Variants in COL5A2 observed in about 807,000 individuals in gnomAD.
The protein encoded by COL5A2 is collagen alpha-2(V) chain.
COL5A2 carries 23 observed loss-of-function variants against 208.2 expected under a neutral mutation model. That is an observed-to-expected ratio of 0.11 (90% confidence interval 0.08 to 0.16). The LOEUF (loss-of-function observed/expected upper bound fraction) is 0.16. Ranked by LOEUF, COL5A2 falls within the 10% of genes least tolerant of loss-of-function variation. The pLI, the probability that COL5A2 is intolerant of heterozygous loss-of-function variation, is 1.00. For missense variants in COL5A2, 1,590 were observed against 1,956.4 expected, an observed-to-expected ratio of 0.81 and a Z score of 3.53; for synonymous variants, 625 against 628.5, an observed-to-expected ratio of 0.99 and a Z score of 0.08.
the COL5A2 span, among the ~76,000 whole-genome samples, chr2:189,436,316 A>G: frequency 1.3e-5 from 2 of 152,208 alleles, no homozygotes; most frequent in East Asian, 3.8e-4. Context: ...GCTTCTGCAC[A>G]GCAAAAGAAA....
the COL5A2 span, among the ~76,000 whole-genome samples, chr2:189,426,985 A>G: frequency 2.6e-5 from 4 of 152,244 alleles, no homozygotes; most frequent in Non-Finnish European, 4.4e-5. Context: ...CAGGGGAGGA[A>G]TTGAAGCAGC....
At chr2:189,320,844 A>T in the COL5A2 span, among the ~76,000 whole-genome samples, 1 of 152,232 alleles carries the variant, frequency 6.6e-6, no homozygotes. Flanking sequence ...CGAGAAGAGC[A>T]ACTCCAAGAC....
At position 189,039,490 on chromosome 2, in the gene COL5A2, A is replaced by T. The variant is rs954310145; in HGVS notation, c.3707T>A (p.Ile1236Asn). ...PGHLTAALGD[I>N]MGHYDESMPD... ...CATGCTTTCATCATAGTGCCCCATG[A>T]TATCCCCAAGAGCAGCTGTAAGGTG... The change falls in exon 51 of 54, where the codon ATC becomes AAC. Residue 1236 changes from isoleucine to asparagine, a missense_variant. Ile to Asn is a moderately radical substitution (Grantham distance 149). Coordinates refer to ENST00000374866, the MANE Select transcript of COL5A2 (RefSeq NM_000393.5). 2 of 1,614,078 alleles carry T rather than the reference A, an allele frequency of 1.2e-6. No homozygotes were observed. The highest frequency in any genetic ancestry group is 8.5e-7 in the Non-Finnish European group (1 of 1,180,014).
At position 189,129,808 on chromosome 2, in the gene COL5A2, G is replaced by A. The variant is rs184112144; in HGVS notation, c.98-19359C>T. On this transcript the variant is annotated intron_variant, in intron 1 of 53. Transcript: ENST00000374866. The stretch of plus-strand genomic sequence containing the variant: ...TACATTAAAGACTGTGTGGTGGGAG[G>A]TTTACCGTAATATAAAGTTTATGCC... 4.0e-4 allele frequency among the ~76,000 whole-genome samples: 61 copies of A among 152,054 alleles called. No homozygotes were observed. The East Asian group carries it at 9.1e-3, about 23-fold the overall frequency.
the COL5A2 span, among the ~76,000 whole-genome samples, chr2:189,377,986 G>C: frequency 1.3e-5 from 2 of 152,194 alleles, no homozygotes; most frequent in East Asian, 3.8e-4. Context: ...CTACAGCTGA[G>C]AAAATTCCTT....
At chr2:189,256,328 T>C in the COL5A2 span, among the ~76,000 whole-genome samples, 148 of 152,310 alleles carry the variant, frequency 9.7e-4, no homozygotes, top group Non-Finnish European at 1.4e-3. Flanking sequence ...AGGACACTTA[T>C]ACTCTGCAGT....
At chr2:189,381,386 C>T in the COL5A2 span, among the ~76,000 whole-genome samples, 1 of 151,870 alleles carries the variant, frequency 6.6e-6, no homozygotes, top group Non-Finnish European at 1.5e-5. Context: ...ATTTAGATTG[C>T]AATTTTTATG....
At chr2:189,338,999 T>G in the COL5A2 span, among the ~76,000 whole-genome samples, 1 of 152,280 alleles carries the variant, frequency 6.6e-6, no homozygotes, top group African/African-American at 2.4e-5. Flanking sequence ...AGACTCTGCA[T>G]AGATGTGGCA....
chr2:189,289,519 T>C, the COL5A2 span, among the ~76,000 whole-genome samples: 1 of 152,220 alleles, frequency 6.6e-6, no homozygotes, highest in East Asian at 1.9e-4. Flanking sequence ...AACATAGTAC[T>C]AAAAGTTCTA....
In COL5A2 at chr2:189,128,867, G is replaced by C. The variant is rs549014817; in HGVS notation, c.98-18418C>G. Among the ~76,000 whole-genome samples, 8 of 152,002 alleles carry C rather than the reference G, an allele frequency of 5.3e-5. No individual in the cohort carries two copies. In the East Asian group the frequency reaches 1.5e-3, roughly 29 times the overall value. Reference sequence around the variant, plus strand: ...GAGAAAAGCTAAATGGGGCACTTGCGTCCTTAGGAAAGTTTATCACCGAAA... The same window carrying C: ...GAGAAAAGCTAAATGGGGCACTTGCCTCCTTAGGAAAGTTTATCACCGAAA... On this transcript the variant is annotated intron_variant, in intron 1 of 53. Coordinates refer to ENST00000374866, the MANE Select transcript of COL5A2 (RefSeq NM_000393.5).
At chr2:189,086,436 T>C (rs1686664454) in intron 9 of COL5A2, among the ~76,000 whole-genome samples, 1 of 152,196 alleles carries the variant, frequency 6.6e-6, no homozygotes, top group Non-Finnish European at 1.5e-5. Context: ...AACATTTTCA[T>C]GACATAACAT....
rs571336187 is a variant in COL5A2, at chr2:189,037,462, C to T, written c.3926-659G>A. On this transcript the variant is annotated intron_variant, in intron 51 of 53. Transcript: ENST00000374866. Reference sequence around the variant, plus strand: ...AGAATTGCATTTTAAATGAAAGTGTCGGAATGTAATGTATAGAGTTAATAA... The same window carrying T: ...AGAATTGCATTTTAAATGAAAGTGTTGGAATGTAATGTATAGAGTTAATAA... Among the ~76,000 whole-genome samples the T allele has an allele frequency of 4.6e-5, 7 of 152,108 alleles. No individual in the cohort carries two copies. In the East Asian group the frequency reaches 1.2e-3, roughly 25 times the overall value.
chr2:189,133,928 C>T (rs1172812275), intron 1 of COL5A2, among the ~76,000 whole-genome samples: 1 of 152,048 alleles, frequency 6.6e-6, no homozygotes, highest in East Asian at 1.9e-4. Context: ...GAAATCGCTG[C>T]CACACCCTCT....
chr2:189,054,467 CTG>C (rs1257160205), intron 35 of COL5A2, among the ~76,000 whole-genome samples: 1 of 152,140 alleles, frequency 6.6e-6, no homozygotes, highest in Non-Finnish European at 1.5e-5. Context: ...ATACATAAAA[CTG>C]TTTTCAGGCA....
At chr2:189,344,776 T>C in the COL5A2 span, among the ~76,000 whole-genome samples, 3 of 152,256 alleles carry the variant, frequency 2.0e-5, no homozygotes, top group East Asian at 5.8e-4. Flanking sequence ...AGGAATGTAG[T>C]TGGGGCTGGC....
At chr2:189,347,038 C>T in the COL5A2 span, among the ~76,000 whole-genome samples, 5 of 152,232 alleles carry the variant, frequency 3.3e-5, no homozygotes, top group Admixed American at 1.3e-4. Flanking sequence ...CTTCCAATCC[C>T]CATTCCTCAA....
At chr2:189,097,495 C>A (rs544983164) in intron 5 of COL5A2, 165 bp from the exon 6 acceptor site, 2 of 735,254 alleles carry the variant, frequency 2.7e-6, no homozygotes, top group Non-Finnish European at 2.4e-6. Context: ...AAGTTCTGTA[C>A]GCTTAGAAGC....
intron 35 of COL5A2, 70 bp from the exon 36 acceptor site, chr2:189,054,282 A>T: frequency 8.6e-7 from 1 of 1,159,424 alleles, no homozygotes; most frequent in Non-Finnish European, 1.3e-6. Context: ...TAGCAAATCA[A>T]CAAACAAAAA....
chr2:189,167,292 T>C (rs1388199518), intron 1 of COL5A2, among the ~76,000 whole-genome samples: 2 of 152,176 alleles, frequency 1.3e-5, no homozygotes, highest in African/African-American at 4.8e-5. Context: ...AATTCTATTT[T>C]ATTATGTCAT....
Sources: gnomAD v4.1 joint callset for allele counts (sites outside exome capture counted in the v4.1 genomes callset) on GRCh38, gnomAD v4.1.1 for gene constraint, MANE v1.5 for transcripts, NCBI Gene and HGNC (gene_info 2026-07-23, HGNC 2026-07-21) for gene names.